Variants in CARD16 observed in about 807,000 individuals in gnomAD.
CARD16 encodes the protein caspase recruitment domain-containing protein 16.
In CARD16, 8 loss-of-function variants were observed where a neutral mutation model predicts 11.9. That is an observed-to-expected ratio of 0.67 (90% CI 0.39 to 1.21). CARD16 has a LOEUF of 1.21. CARD16 is among the 50% of genes most tolerant of loss of function. CARD16 has a pLI of 0.01. For synonymous variants in CARD16, 44 were observed against 43.8 expected (o/e 1.00, Z -0.02); for missense variants, 131 against 118.1 (o/e 1.11, Z -0.51).
At chr11:105,044,715 G>C (rs146225248) in intron 1 of CARD16, 57 bp from the exon 2 acceptor site, 2 of 1,584,118 alleles carry the variant, frequency 1.3e-6, no homozygotes, top group Non-Finnish European at 1.7e-6. Context: ...TTCCTCTCAC[G>C]TCATCAACAG....
intron 3 of CARD16, among the ~76,000 whole-genome samples, chr11:105,042,489 A>T (rs888988932): frequency 3.9e-5 from 6 of 152,194 alleles, no homozygotes; most frequent in African/African-American, 1.4e-4. Context: ...TTCAAGATAG[A>T]ACTGAGGTTT....
At chr11:105,045,250 T>G (rs375786261) in intron 1 of CARD16, 41 bp downstream of exon 1, 238 of 1,613,720 alleles carry the variant, frequency 1.5e-4, no homozygotes, top group Non-Finnish European at 2.0e-4. Context: ...CCACAACTCT[T>G]TCTTCCCAGG....
intron 2 of CARD16, 90 bp downstream of exon 2, chr11:105,044,302 T>C: frequency 1.3e-6 from 2 of 1,589,528 alleles, no homozygotes; most frequent in Non-Finnish European, 1.7e-6. Context: ...AAGAAGATAT[T>C]CTGCAGATTA....
intron 3 of CARD16, among the ~76,000 whole-genome samples, chr11:105,043,023 T>G (rs989118122): frequency 2.0e-5 from 3 of 152,080 alleles, no homozygotes; most frequent in African/African-American, 7.2e-5. Context: ...GCATAAAACT[T>G]GGCCATGGCT....
At position 105,043,508 on chromosome 11, in the gene CARD16, G is replaced by T; in HGVS notation, c.*18C>A. 6.2e-7 allele frequency: 1 copy of T among 1,609,640 alleles called. No individual in the cohort carries two copies. On this transcript the variant is annotated 3_prime_UTR_variant, in exon 3 of 4. Transcript: ENST00000673097. ...CTGGGAAGGAAGAAAATAGTAATTG[G>T]GAGTCTTGTGTACTAAGCTAATTTC...
At chr11:105,042,097 G>A (rs922300914) in intron 3 of CARD16, among the ~76,000 whole-genome samples, 3 of 152,102 alleles carry the variant, frequency 2.0e-5, no homozygotes, top group African/African-American at 7.2e-5. Context: ...ATGGGAGCAG[G>A]TCTTAATTAA....
At chr11:105,045,077 G>A (rs1480745449) in intron 1 of CARD16, 1 of 667,636 alleles carries the variant, frequency 1.5e-6, no homozygotes, top group Non-Finnish European at 2.6e-6. Flanking sequence ...ATGACAGCAG[G>A]CTACCCCTAA....
chr11:105,043,354 T>TAAAAAAAA, intron 3 of CARD16, 129 bp downstream of exon 3: 1 of 519,336 alleles, frequency 1.9e-6, no homozygotes, highest in Non-Finnish European at 3.2e-6. Context: ...CAGAATAGAT[T>TAAAAAAAA]AAAAAAGAAA....
chr11:105,044,289 G>T, intron 2 of CARD16, 103 bp downstream of exon 2: 1 of 1,564,522 alleles, frequency 6.4e-7, no homozygotes, highest in Non-Finnish European at 8.7e-7. Context: ...CAAAGGCAGA[G>T]ATAAGAAGAT....
rs758493477 is a variant in CARD16, at chr11:105,045,282, A to G, written c.7+9T>C. On this transcript the variant is annotated intron_variant, in intron 1 of 3. Coordinates refer to ENST00000673097, the MANE Select transcript of CARD16 (RefSeq NM_052889.4). The stretch of plus-strand genomic sequence containing the variant: ...CAGGGACCTGTTCTTGGAACAGTAA[A>G]AGACTCACCGGCCATGGCTTTTCTC... 2 of 1,613,996 alleles carry G rather than the reference A, an allele frequency of 1.2e-6. No homozygotes were observed. The highest frequency in any genetic ancestry group is 1.7e-6 in the Non-Finnish European group (2 of 1,179,904).
chr11:105,044,464 C>G lies in CARD16; in HGVS notation c.202G>C (p.Ala68Pro), dbSNP rs773612558. 3 of 1,614,110 alleles carry G rather than the reference C, an allele frequency of 1.9e-6. No individual in the cohort carries two copies. The highest frequency in any genetic ancestry group is 2.5e-6 in the Non-Finnish European group (3 of 1,179,988). The change falls in exon 2 of 4, where the codon GCA becomes CCA. Residue 68 changes from alanine (A) to proline (P), a missense_variant. Physicochemically the swap from Ala to Pro is conservative, Grantham distance 27 (BLOSUM62 -1). Coordinates refer to ENST00000673097, the MANE Select transcript of CARD16 (RefSeq NM_052889.4). Reference sequence around the variant, plus strand: ...ATGTATGTGATGCAAATTTGGCATGCCTGTGCCCCTTTCGGAATAACGGAG... The same window carrying G: ...ATGTATGTGATGCAAATTTGGCATGGCTGTGCCCCTTTCGGAATAACGGAG... ...IDSVIPKGAQ[A>P]CQICITYICE...
rs759490438 is a variant in CARD16 at position 105,041,722 on chromosome 11, G to A, written c.*44-3C>T. On this transcript the variant is annotated splice_polypyrimidine_tract_variant and splice_region_variant and intron_variant, in intron 3 of 3. Coordinates refer to ENST00000673097, the MANE Select transcript of CARD16 (RefSeq NM_052889.4). ...GTTGTCCTGCACTGCCTGAAGAGCT[G>A]CAAGAGACAAGGAATATCATGAACA... 6 of 1,613,148 alleles carry A rather than the reference G, an allele frequency of 3.7e-6. No homozygotes were observed. The highest frequency in any genetic ancestry group is 5.1e-6 in the Non-Finnish European group (6 of 1,179,542).
chr11:105,044,713 A>G lies in CARD16; in HGVS notation c.8-55T>C, dbSNP rs931028758. 6 of 1,586,268 alleles carry G rather than the reference A, an allele frequency of 3.8e-6. No individual in the cohort carries two copies. The African/African-American group carries it at 5.4e-5, about 14-fold the overall frequency. On this transcript the variant is annotated intron_variant, in intron 1 of 3. Transcript: ENST00000673097. Reference sequence around the variant, plus strand: ...ATGAAAACAGCCTCATATTCCTCTCACGTCATCAACAGAAAGTGACCTCAT... The same window carrying G: ...ATGAAAACAGCCTCATATTCCTCTCGCGTCATCAACAGAAAGTGACCTCAT...
chr11:105,044,169 T>G, intron 2 of CARD16: 1 of 670,906 alleles, frequency 1.5e-6, no homozygotes, highest in Non-Finnish European at 2.5e-6. Context: ...TTAGCTACCA[T>G]GTACTCAGAA....
intron 3 of CARD16, 122 bp downstream of exon 3, chr11:105,043,360 AG>A (rs71037294): frequency 0.16 from 86,608 of 544,480 alleles, 7,249 homozygotes; most frequent in Admixed American, 0.26. Context: ...AGATTAAAAA[AG>A]AAAATTATAT....
chr11:105,043,482 C>T lies in CARD16; in HGVS notation c.*43+1G>A. ...TGCTCTTCATTGAAAAACAACATTA[C>T]CTGGGAAGGAAGAAAATAGTAATTG... On this transcript the variant is annotated splice_donor_variant, in intron 3 of 3. Coordinates refer to ENST00000673097, the MANE Select transcript of CARD16 (RefSeq NM_052889.4). LOFTEE classifies it low-confidence loss of function (3UTR_SPLICE). 1 of 1,600,578 alleles carries T rather than the reference C, an allele frequency of 6.2e-7. No homozygotes were observed. Among genetic ancestry groups the T allele is most frequent in the Non-Finnish European group, 8.5e-7 (1 of 1,169,810 alleles).
chr11:105,043,751 C>T (rs1288029023), intron 2 of CARD16, among the ~76,000 whole-genome samples: 1 of 152,138 alleles, frequency 6.6e-6, no homozygotes, highest in Non-Finnish European at 1.5e-5. Context: ...TTCCTGAGCA[C>T]TGTATCAGGC....
At position 105,043,564 on chromosome 11, in the gene CARD16, C is replaced by A; in HGVS notation, c.275-19G>T. ...ATCGGACCTATAAAAAGATGAAGAA[C>A]ATTGAAATAGCCACTTATCATCTCT... On this transcript the variant is annotated intron_variant, in intron 2 of 3. Coordinates refer to ENST00000673097, the MANE Select transcript of CARD16 (RefSeq NM_052889.4). 6.4e-7 allele frequency: 1 copy of A among 1,572,694 alleles called. No homozygotes were observed. Among genetic ancestry groups the A allele is most frequent in the Non-Finnish European group, 8.7e-7 (1 of 1,143,718 alleles).
intron 3 of CARD16, among the ~76,000 whole-genome samples, chr11:105,042,858 T>C (rs1391163869): frequency 1.3e-5 from 2 of 152,190 alleles, no homozygotes; most frequent in Non-Finnish European, 2.9e-5. Flanking sequence ...AGTAGAGTAA[T>C]ATCTGAACTT....
Sources: allele counts gnomAD v4.1 joint callset (sites outside exome capture counted in the v4.1 genomes callset), GRCh38; gene constraint gnomAD v4.1.1; transcripts MANE v1.5; gene names NCBI Gene and HGNC (gene_info 2026-07-23, HGNC 2026-07-21).